The following GPHN variants were observed in gnomAD, a reference collection of about 807,000 sequenced individuals.
The protein encoded by GPHN is gephyrin.
A neutral mutation model predicts 95.5 loss-of-function variants in GPHN; 17 were observed. The observed-to-expected ratio is 0.18, with a 90% CI of 0.12 to 0.27. The LOEUF is 0.27. GPHN is among the 10% of genes least tolerant of loss of function. GPHN has a pLI of 1.00. For missense variants in GPHN, 660 were observed against 978.1 expected (o/e 0.67, Z 4.34); for synonymous variants, 320 against 322.5 (o/e 0.99, Z 0.08).
At chr14:67,582,848 A>AAAAC in the GPHN span, among the ~76,000 whole-genome samples, 2 of 152,118 alleles carry the variant, frequency 1.3e-5, no homozygotes, top group Non-Finnish European at 1.5e-5. This position sits in a 1 kb window ranked among gnomAD's most constrained non-coding sequence, Gnocchi z 5.0. Flanking sequence ...AAAACAAAAC[A>AAAAC]AAACAAACAA....
intron 3 of GPHN, among the ~76,000 whole-genome samples, chr14:66,786,500 C>T (rs927951861): frequency 4.6e-5 from 7 of 151,824 alleles, no homozygotes; most frequent in African/African-American, 1.7e-4. Flanking sequence ...CAATCTCCTC[C>T]AAAAAAATAA....
At chr14:67,696,035 A>C in the GPHN span, among the ~76,000 whole-genome samples, 2 of 152,104 alleles carry the variant, frequency 1.3e-5, no homozygotes, top group African/African-American at 4.8e-5. Flanking sequence ...CTCAGATGAA[A>C]ACACTGCTTT....
intron 1 of GPHN, among the ~76,000 whole-genome samples, chr14:66,638,352 T>A (rs2064213700): frequency 6.6e-6 from 1 of 152,126 alleles, no homozygotes; most frequent in Non-Finnish European, 1.5e-5. Context: ...AAGAATTGCT[T>A]GAACCAGGGA....
rs773111324 is a variant in GPHN, at chr14:67,059,513, TAAA to T, written c.1144+731_1144+733del. On this transcript the variant is annotated intron_variant, in intron 11 of 22. Coordinates refer to ENST00000478722, the MANE Select transcript of GPHN (RefSeq NM_020806.5). ...AACACAACAGAATTAATTTTATAAATAAAAAACTTTATAGAATCATAAAATATT... is the reference window on the plus strand; with the variant it reads ...AACACAACAGAATTAATTTTATAAATAAACTTTATAGAATCATAAAATATT... 2.6e-5 allele frequency among the ~76,000 whole-genome samples: 4 copies of T among 152,110 alleles called. No homozygotes were observed. The East Asian group carries it at 7.7e-4, about 29-fold the overall frequency.
intron 1 of GPHN, among the ~76,000 whole-genome samples, chr14:66,652,870 G>T (rs1369348912): frequency 6.6e-6 from 1 of 152,180 alleles, no homozygotes. Context: ...TATATGAAGA[G>T]CCTTTGGGAA....
intron 9 of GPHN, among the ~76,000 whole-genome samples, chr14:67,015,432 C>T (rs1308867194): frequency 6.6e-6 from 1 of 152,108 alleles, no homozygotes; most frequent in Non-Finnish European, 1.5e-5. Context: ...GGCGCTGTGG[C>T]TCAAGCCTGT....
At chr14:67,624,818 G>A in the GPHN span, among the ~76,000 whole-genome samples, 1 of 152,146 alleles carries the variant, frequency 6.6e-6, no homozygotes, top group African/African-American at 2.4e-5. Context: ...CAGCAATCTG[G>A]GGAGCATTTA....
At chr14:67,120,547 A>C (rs1269720805) in intron 16 of GPHN, among the ~76,000 whole-genome samples, 1 of 151,820 alleles carries the variant, frequency 6.6e-6, no homozygotes, top group East Asian at 1.9e-4. Context: ...AATAACAGAG[A>C]GGAACATAAA....
intron 1 of GPHN, among the ~76,000 whole-genome samples, chr14:66,621,801 G>C (rs1566717307): frequency 6.6e-6 from 1 of 152,104 alleles, no homozygotes; most frequent in Non-Finnish European, 1.5e-5. Context: ...GCAAGAGGTG[G>C]GTTCTCATGG....
chr14:66,521,686 A>C (rs1463851334), intron 1 of GPHN, among the ~76,000 whole-genome samples: 5 of 151,988 alleles, frequency 3.3e-5, no homozygotes, highest in Admixed American at 6.6e-5. Flanking sequence ...GAGGGCACTA[A>C]TCCCATTTAT....
intron 1 of GPHN, among the ~76,000 whole-genome samples, chr14:66,669,028 G>A (rs892603661): frequency 6.6e-6 from 1 of 151,492 alleles, no homozygotes; most frequent in African/African-American, 2.4e-5. Flanking sequence ...TTACAGGCAG[G>A]GTTTGGCTAT....
chr14:67,420,513 G>C, the GPHN span, among the ~76,000 whole-genome samples: 2 of 152,206 alleles, frequency 1.3e-5, no homozygotes, highest in Non-Finnish European at 2.9e-5. Context: ...GTTCCCTGTA[G>C]AGAAACTGCC....
chr14:67,399,029 A>T, the GPHN span, among the ~76,000 whole-genome samples: 1 of 152,218 alleles, frequency 6.6e-6, no homozygotes, highest in Non-Finnish European at 1.5e-5. Context: ...CTTGCACGTA[A>T]ATTTTGACCT....
the GPHN span, among the ~76,000 whole-genome samples, chr14:67,694,821 T>C: frequency 1.3e-5 from 2 of 152,176 alleles, no homozygotes; most frequent in Non-Finnish European, 2.9e-5. Flanking sequence ...TCAAGTTCTA[T>C]TGGGACTAAG....
intron 4 of GPHN, among the ~76,000 whole-genome samples, chr14:66,853,625 A>G (rs140262709): frequency 7.4e-4 from 112 of 152,220 alleles, no homozygotes; most frequent in African/African-American, 2.7e-3. Context: ...ACAAGAACCA[A>G]TGGGGGAAGC....
chr14:67,674,330 C>T, the GPHN span: 1 of 1,487,164 alleles, frequency 6.7e-7, no homozygotes, highest in Non-Finnish European at 9.0e-7. Flanking sequence ...CCTTCCAAAG[C>T]GCGCAGGGCT....
At chr14:66,760,844 C>G (rs376728182) in intron 2 of GPHN, 1 of 594,618 alleles carries the variant, frequency 1.7e-6, no homozygotes, top group Non-Finnish European at 3.1e-6. Context: ...AAATGCCAAG[C>G]GAAATTTATA....
At chr14:67,118,857 C>T (rs2078851463) in intron 16 of GPHN, among the ~76,000 whole-genome samples, 1 of 152,116 alleles carries the variant, frequency 6.6e-6, no homozygotes, top group African/African-American at 2.4e-5. Context: ...TCTCAAGTGC[C>T]TTCGGCTAAA....
At chr14:66,920,239 T>C (rs1199023878) in intron 6 of GPHN, among the ~76,000 whole-genome samples, 2 of 152,092 alleles carry the variant, frequency 1.3e-5, no homozygotes, top group Non-Finnish European at 2.9e-5. Context: ...CATTTAAGAG[T>C]TGTAGAAATA....
Sources: allele counts gnomAD v4.1 joint callset (sites outside exome capture counted in the v4.1 genomes callset), GRCh38; gene constraint gnomAD v4.1.1; non-coding constraint Gnocchi (gnomAD v3.1); transcripts MANE v1.5; gene names NCBI Gene and HGNC (gene_info 2026-07-23, HGNC 2026-07-21).